CFI: variants seen among roughly 807,000 people sequenced by gnomAD.
CFI encodes complement factor I, also known as C3B/C4B inactivator.
A neutral mutation model predicts 78.8 loss-of-function variants in CFI; 66 were observed. The observed-to-expected ratio is 0.84, with a 90% CI of 0.69 to 1.03. The LOEUF (loss-of-function observed/expected upper bound fraction) is 1.03, where lower values mean the gene tolerates loss of function less well. Among genes scored for constraint, CFI ranks in the 50% least tolerant of loss-of-function variants. The pLI, the probability that CFI is intolerant of heterozygous loss-of-function variation, is 0.00. For synonymous variants in CFI, 250 were observed against 232.6 expected (o/e 1.07, Z -0.68); for missense variants, 706 against 704.5 (o/e 1.00, Z -0.02).
chr4:109,756,933 G>GAAAGAAAGAAAGAAAGAAAGAA (rs1726321555), intron 7 of CFI, among the ~76,000 whole-genome samples: 2 of 146,492 alleles, frequency 1.4e-5, no homozygotes, highest in African/African-American at 5.1e-5. Flanking sequence ...AAGAAAGAAA[G>GAAAGAAAGAAAGAAAGAAAGAA]AAAGAAAGAA....
intron 3 of CFI, among the ~76,000 whole-genome samples, chr4:109,763,912 G>T (rs1477351002): frequency 6.7e-6 from 1 of 149,934 alleles, no homozygotes; most frequent in Non-Finnish European, 1.5e-5. Context: ...GGGCAAAGAA[G>T]AAATTATATT....
intron 1 of CFI, among the ~76,000 whole-genome samples, chr4:109,783,244 C>A (rs1234321368): frequency 6.6e-6 from 1 of 152,032 alleles, no homozygotes; most frequent in Non-Finnish European, 1.5e-5. Context: ...AACAGACAAC[C>A]CATAGGGTGT....
Position 109,766,622 on chromosome 4 carries a change from T to C in CFI, c.260A>G (p.Gln87Arg). ...TNRRSFPTYCQQKSLECLHPG... is the reference protein window; with the variant it reads ...TNRRSFPTYCRQKSLECLHPG... ...ATGAAGACATTCCAAACTCTTTTGT[T>C]GACAGTATGTTGGGAAGCTTCTCCT... is the stretch of plus-strand genomic sequence containing the variant. The change falls in exon 2 of 13, where the codon CAA becomes CGA. Residue 87 changes from glutamine to arginine, a missense_variant. Physicochemically the swap from Gln to Arg is conservative, Grantham distance 43 (BLOSUM62 1). Coordinates refer to ENST00000394634, the MANE Select transcript of CFI (RefSeq NM_000204.5). 2.5e-6 allele frequency: 4 copies of C among 1,614,216 alleles called. No individual in the cohort carries two copies. The South Asian group carries it at 4.4e-5, about 18-fold the overall frequency.
intron 1 of CFI, among the ~76,000 whole-genome samples, chr4:109,770,703 T>A (rs1728478806): frequency 6.6e-6 from 1 of 151,594 alleles, no homozygotes; most frequent in Non-Finnish European, 1.5e-5. Context: ...TACAGGAATT[T>A]TTTTAAAGGG....
chr4:109,740,234 T>C (rs952850025), downstream of CFI, among the ~76,000 whole-genome samples: 1 of 151,626 alleles, frequency 6.6e-6, no homozygotes, highest in Non-Finnish European at 1.5e-5. Flanking sequence ...AAGGCTGCAG[T>C]GAGCTATGAT....
At chr4:109,760,951 C>T (rs969320294) in intron 4 of CFI, among the ~76,000 whole-genome samples, 3 of 152,174 alleles carry the variant, frequency 2.0e-5, no homozygotes, top group Admixed American at 1.3e-4. Context: ...TTTCATGCTG[C>T]TATACTCATC....
Position 109,764,690 on chromosome 4 carries a change from C to A in CFI, c.329G>T (p.Gly110Val), listed in dbSNP as rs1281616941. Residue 110 changes from glycine (G) to valine (V), a missense_variant and splice_region_variant, in exon 3 of 13, where the codon GGA becomes GTA. Physicochemically the swap from Gly to Val is moderately radical, Grantham distance 109. Transcript: ENST00000394634. ...ATGCTTCAAGGAAACACTAAACTTT[C>A]CTAAAATAAAAAAACAAAATAATGT... ...FLNNGTCTAE[G>V]KFSVSLKHGN... 6.2e-7 allele frequency: 1 copy of A among 1,612,974 alleles called. No homozygotes were observed. The highest frequency in any genetic ancestry group is 1.7e-5 in the Admixed American group (1 of 59,966).
intron 1 of CFI, among the ~76,000 whole-genome samples, chr4:109,795,318 C>T (rs1010373518): frequency 1.6e-4 from 25 of 152,188 alleles, no homozygotes; most frequent in Non-Finnish European, 2.8e-4. Flanking sequence ...GCCGTTCACA[C>T]GGGCCTTGCC....
At chr4:109,749,344 C>T in intron 9 of CFI, 23 bp from the exon 10 acceptor site, 1 of 1,594,674 alleles carries the variant, frequency 6.3e-7, no homozygotes, top group Admixed American at 1.7e-5. Context: ...TTTGTGTGGT[C>T]ACTGCCATTC....
chr4:109,769,014 C>T (rs1431245213), intron 1 of CFI, among the ~76,000 whole-genome samples: 1 of 152,090 alleles, frequency 6.6e-6, no homozygotes, highest in Non-Finnish European at 1.5e-5. Context: ...CTTTTTGGCA[C>T]TTATTAGAGT....
intron 10 of CFI, among the ~76,000 whole-genome samples, chr4:109,748,897 G>T (rs1724795290): frequency 6.6e-6 from 1 of 152,140 alleles, no homozygotes; most frequent in Non-Finnish European, 1.5e-5. Flanking sequence ...GAAAATATAG[G>T]TAGGCCACAG....
chr4:109,749,957 G>A (rs1298864037), intron 8 of CFI, among the ~76,000 whole-genome samples: 1 of 152,046 alleles, frequency 6.6e-6, no homozygotes, highest in East Asian at 1.9e-4. Context: ...GAAATCATCA[G>A]GGTAAACTAA....
chr4:109,772,587 T>A (rs1394611536), intron 1 of CFI, among the ~76,000 whole-genome samples: 1 of 151,864 alleles, frequency 6.6e-6, no homozygotes, highest in Admixed American at 6.6e-5. Flanking sequence ...GATCGTTTTT[T>A]TTTTTTCTTG....
intron 11 of CFI, among the ~76,000 whole-genome samples, chr4:109,744,041 C>A (rs890476426): frequency 5.9e-5 from 9 of 151,502 alleles, no homozygotes; most frequent in African/African-American, 2.2e-4. Context: ...ATGGGAATTC[C>A]AAAATAAGAA....
At chr4:109,800,321 GTTTTTTTTTTTTTTT>G (rs554145445) in intron 1 of CFI, among the ~76,000 whole-genome samples, 734 of 48,858 alleles carry the variant, frequency 0.015, 13 homozygotes, top group African/African-American at 0.054. Flanking sequence ...TGGCTTCTCT[GTTTTTTTTTTTTTTT>G]TTTTTTTTTT....
chr4:109,772,843 C>A (rs555725354), intron 1 of CFI, among the ~76,000 whole-genome samples: 35 of 152,278 alleles, frequency 2.3e-4, no homozygotes, highest in African/African-American at 7.7e-4. Flanking sequence ...CTCAGCCTCC[C>A]AACATGCTGG....
At chr4:109,748,152 T>C (rs1724706589) in intron 10 of CFI, among the ~76,000 whole-genome samples, 1 of 152,296 alleles carries the variant, frequency 6.6e-6, no homozygotes, top group Non-Finnish European at 1.5e-5. Flanking sequence ...TCCTAGGAAA[T>C]AATGAGATGT....
At chr4:109,741,219 C>A (rs1039890976) in intron 12 of CFI, 109 bp from the exon 13 acceptor site, 39 of 1,573,006 alleles carry the variant, frequency 2.5e-5, no homozygotes, top group Non-Finnish European at 3.3e-5. Context: ...AGTTTCCTGA[C>A]AGCAATAGCA....
chr4:109,777,934 T>C (rs6819853), intron 1 of CFI, among the ~76,000 whole-genome samples: 70,648 of 151,594 alleles, frequency 0.47, 19,371 homozygotes, highest in Non-Finnish European at 0.62. Context: ...TTGAAACCAA[T>C]GAGAACAAAG....
Sources: gnomAD v4.1 joint callset for allele counts (sites outside exome capture counted in the v4.1 genomes callset) on GRCh38, gnomAD v4.1.1 for gene constraint, MANE v1.5 for transcripts, NCBI Gene and HGNC (gene_info 2026-07-23, HGNC 2026-07-21) for gene names.